LPIN1: variants seen among roughly 807,000 people sequenced by gnomAD.
LPIN1 encodes phosphatidate phosphatase LPIN1.
LPIN1 carries 71 observed loss-of-function variants against 107.5 expected under a neutral mutation model. The ratio of observed to expected loss-of-function variants is 0.66; its 90% confidence interval spans 0.55 to 0.80. The LOEUF is 0.80. Among genes scored for constraint, LPIN1 ranks in the 30% least tolerant of loss-of-function variants. The pLI is 0.00. For synonymous variants in LPIN1, 445 were observed against 452.6 expected (o/e 0.98, Z 0.21); for missense variants, 1,043 against 1,160.6 (o/e 0.90, Z 1.47).
intron 5 of LPIN1, among the ~76,000 whole-genome samples, chr2:11,775,164 C>A (rs961501611): frequency 1.3e-5 from 2 of 152,144 alleles, no homozygotes; most frequent in Non-Finnish European, 2.9e-5. Context: ...GGACAAGCCA[C>A]GTTTCAAGTG....
At chr2:11,682,859 T>A (rs911004470) in intron 1 of LPIN1, 1 of 152,218 alleles carries the variant, frequency 6.6e-6, no homozygotes, top group Non-Finnish European at 1.5e-5. Flanking sequence ...ACGCCTATTG[T>A]CCTGTAATTA....
chr2:11,723,738 T>G (rs1664337188), upstream of LPIN1: 1 of 152,184 alleles, frequency 6.6e-6, no homozygotes, highest in Non-Finnish European at 1.5e-5. Context: ...GGGTCACACC[T>G]GAGCAGACTT....
At chr2:11,749,963 G>C (rs567011226) in intron 1 of LPIN1, among the ~76,000 whole-genome samples, 1 of 152,226 alleles carries the variant, frequency 6.6e-6, no homozygotes, top group Non-Finnish European at 1.5e-5. Context: ...GCTCTGTAAG[G>C]AGGCCTGTTT....
chr2:11,776,209 T>C lies in LPIN1; in HGVS notation c.830+16T>C, dbSNP rs1403532844. On this transcript the variant is annotated intron_variant, in intron 6 of 20. Transcript: ENST00000674199. ...CTTCGGAAAGGTAGAGGAGTTATTT[T>C]CCCCATTGGGATATATTCAATAATG... 2 of 1,470,908 alleles carry C rather than the reference T, an allele frequency of 1.4e-6. No homozygotes were observed. Among genetic ancestry groups the C allele is most frequent in the South Asian group, 2.5e-5 (2 of 79,766 alleles). 91.1% of individuals were successfully genotyped at this position (1,470,908 alleles called of 1,614,324 possible).
intron 1 of LPIN1, among the ~76,000 whole-genome samples, chr2:11,731,698 C>T (rs1005602889): frequency 3.3e-5 from 5 of 152,188 alleles, no homozygotes; most frequent in African/African-American, 1.2e-4. Context: ...AGTGTAAAAG[C>T]ATTCCTATTT....
At chr2:11,761,156 C>T (rs1281890383) in intron 1 of LPIN1, among the ~76,000 whole-genome samples, 4 of 148,242 alleles carry the variant, frequency 2.7e-5, no homozygotes, top group Non-Finnish European at 5.9e-5. Context: ...ATTAATACTG[C>T]TTGCACGTAG....
In LPIN1 at chr2:11,773,719, G is replaced by C. The variant is rs145180224; in HGVS notation, c.696G>C (p.Ser232=). 0.011 allele frequency: 17,179 copies of C among 1,613,862 alleles called. 120 individuals are homozygous for C. The highest frequency in any genetic ancestry group is 0.012 in the Non-Finnish European group (14,726 of 1,179,938). The change falls in exon 5 of 21, where the codon TCG becomes TCC. Residue 232 remains serine (S), a synonymous_variant. Coordinates refer to ENST00000674199, the MANE Select transcript of LPIN1 (RefSeq NM_001349206.2). ...IYPQSASYPN[S]DREWSPTPSS... Reference sequence around the variant, plus strand: ...CTCAGTCAGCCTCATACCCTAATTCGGATAGAGAGTGGTCACCCACTCCCA... The same window carrying C: ...CTCAGTCAGCCTCATACCCTAATTCCGATAGAGAGTGGTCACCCACTCCCA...
rs555015914 is a variant in LPIN1 at position 11,765,870 on chromosome 2, C to G, written c.192+137C>G. ...TGGAAATGGCCAGTCACGGAACTGA[C>G]AGTGACTAATTGAAATTATTCTAGT... On this transcript the variant is annotated intron_variant, in intron 2 of 20. Transcript: ENST00000674199. This position sits in a 1 kb window ranked among gnomAD's most constrained non-coding sequence, Gnocchi z 4.4. The G allele has an allele frequency of 4.3e-6, 3 of 694,650 alleles. No homozygotes were observed. Among genetic ancestry groups the G allele is most frequent in the Admixed American group, 2.9e-5 (1 of 33,966 alleles). The allele number at this position is 694,650 out of a possible 1,614,324, so 43.0% of individuals were successfully genotyped here. A position where few individuals can be genotyped will look rare whatever the true frequency, so the allele number is the denominator to read the frequency against.
rs1301350811 is a variant in LPIN1 at position 11,795,487 on chromosome 2, G to C, written c.1886G>C (p.Arg629Thr). The C allele has an allele frequency of 6.2e-7, 1 of 1,614,072 alleles. No individual in the cohort carries two copies. Among genetic ancestry groups the C allele is most frequent in the Non-Finnish European group, 8.5e-7 (1 of 1,179,958 alleles). The change falls in exon 14 of 21, where the codon AGG (arginine) becomes ACG (threonine). Residue 629 changes from arginine (R) to threonine (T), a missense_variant and splice_region_variant. Physicochemically the swap from Arg to Thr is moderately conservative, Grantham distance 71 (BLOSUM62 -1). Transcript: ENST00000674199. ...EQPPQLSLAT[R>T]VKHESSSSDE... Reference sequence around the variant, plus strand: ...CCGCCGCAGCTCAGCTTGGCCACCAGGTGCGGTAGGAGGCTTCTTGGGATG... The same window carrying C: ...CCGCCGCAGCTCAGCTTGGCCACCACGTGCGGTAGGAGGCTTCTTGGGATG...
rs1475211955 is a variant in LPIN1 at position 11,697,227 on chromosome 2, C to T, written c.82-16529C>T. ...AGGCAGCCCTGCAATCGGAGGGCTGCGTGCTCCCCCTGATCAGCCCCCAGC... is the reference window on the plus strand; with the variant it reads ...AGGCAGCCCTGCAATCGGAGGGCTGTGTGCTCCCCCTGATCAGCCCCCAGC... On this transcript the variant is annotated intron_variant, in intron 1 of 21. Transcript: ENST00000449576. The surrounding 1 kb of genome is among the most constrained non-coding windows in gnomAD (Gnocchi z 4.6). Among the ~76,000 whole-genome samples the T allele has an allele frequency of 1.3e-5, 2 of 152,228 alleles. No individual in the cohort carries two copies. Among genetic ancestry groups the T allele is most frequent in the East Asian group, 1.9e-4 (1 of 5,188 alleles).
At chr2:11,752,557 A>G (rs943751539) in intron 1 of LPIN1, among the ~76,000 whole-genome samples, 7 of 146,868 alleles carry the variant, frequency 4.8e-5, no homozygotes, top group Non-Finnish European at 1.0e-4. Context: ...TCAGCCTCCC[A>G]AGTAGCTGGG....
chr2:11,684,460 G>A (rs1661892214), intron 1 of LPIN1, among the ~76,000 whole-genome samples: 2 of 152,246 alleles, frequency 1.3e-5, no homozygotes, highest in African/African-American at 2.4e-5. Flanking sequence ...TTACAGGCAT[G>A]AGCCACTGTG....
At chr2:11,703,850 T>A (rs1663003318) in intron 1 of LPIN1, among the ~76,000 whole-genome samples, 1 of 152,196 alleles carries the variant, frequency 6.6e-6, no homozygotes, top group South Asian at 2.1e-4. Context: ...AGCTCATGAT[T>A]TAATGGGTCA....
At chr2:11,690,729 G>A (rs1181208695) in intron 1 of LPIN1, among the ~76,000 whole-genome samples, 2 of 151,836 alleles carry the variant, frequency 1.3e-5, no homozygotes, top group African/African-American at 4.8e-5. Context: ...TTCCTGTTAG[G>A]TTTTATCTAC....
intron 2 of LPIN1, among the ~76,000 whole-genome samples, chr2:11,715,076 G>C (rs1663644699): frequency 6.6e-6 from 1 of 152,234 alleles, no homozygotes; most frequent in Non-Finnish European, 1.5e-5. Flanking sequence ...GTTAGTGGCA[G>C]TTATGCCTGG....
intron 1 of LPIN1, among the ~76,000 whole-genome samples, chr2:11,761,753 A>C (rs192531901): frequency 3.3e-4 from 51 of 152,280 alleles, no homozygotes; most frequent in Non-Finnish European, 6.2e-4. Context: ...GATTTACAAA[A>C]GGTATATTTT....
At chr2:11,747,016 G>GACTA (rs1667058567) in intron 1 of LPIN1, among the ~76,000 whole-genome samples, 2 of 152,228 alleles carry the variant, frequency 1.3e-5, no homozygotes, top group African/African-American at 4.8e-5. Flanking sequence ...GAACCGCGGG[G>GACTA]ACTAGCTCCA....
At chr2:11,806,930 T>G (rs907020818) in intron 17 of LPIN1, among the ~76,000 whole-genome samples, 1 of 152,252 alleles carries the variant, frequency 6.6e-6, no homozygotes, top group Non-Finnish European at 1.5e-5. Flanking sequence ...TTTCATTTTA[T>G]GTAATATTTA....
At chr2:11,736,666 C>T (rs1177813050) in intron 1 of LPIN1, among the ~76,000 whole-genome samples, 1 of 152,224 alleles carries the variant, frequency 6.6e-6, no homozygotes, top group African/African-American at 2.4e-5. Context: ...ATCCGGTATA[C>T]ACTGCTATGA....
Sources: allele counts gnomAD v4.1 joint callset (sites outside exome capture counted in the v4.1 genomes callset), GRCh38; gene constraint gnomAD v4.1.1; non-coding constraint Gnocchi (gnomAD v3.1); transcripts MANE v1.5; gene names NCBI Gene and HGNC (gene_info 2026-07-23, HGNC 2026-07-21).